SYNJ1: variants seen among roughly 807,000 people sequenced by gnomAD.
The protein encoded by SYNJ1 is synaptojanin 1.
In SYNJ1, 78 loss-of-function variants were observed where a neutral mutation model predicts 168.2. The ratio of observed to expected loss-of-function variants is 0.46; its 90% CI spans 0.39 to 0.56. The LOEUF is 0.56. Among genes scored for constraint, SYNJ1 ranks in the 20% least tolerant of loss-of-function variants. SYNJ1 has a pLI of 0.00. For missense variants in SYNJ1, 1,303 were observed against 1,597.6 expected, an observed-to-expected ratio of 0.82 and a Z score of 3.14; for synonymous variants, 539 against 548.6, an observed-to-expected ratio of 0.98 and a Z score of 0.24.
At chr21:32,674,178 C>T (rs930728228) in intron 13 of SYNJ1, among the ~76,000 whole-genome samples, 1 of 152,206 alleles carries the variant, frequency 6.6e-6, no homozygotes, top group Non-Finnish European at 1.5e-5. Flanking sequence ...TTCCACTCTC[C>T]CTGGTGCACT....
intron 2 of SYNJ1, 32 bp from the exon 3 acceptor site, chr21:32,702,079 G>T (rs1217278439): frequency 2.7e-6 from 4 of 1,457,920 alleles, no homozygotes; most frequent in South Asian, 2.6e-5. Context: ...TAAGAAAAAT[G>T]ACCTGAAACA....
intron 6 of SYNJ1, among the ~76,000 whole-genome samples, chr21:32,691,611 A>G (rs2042028295): frequency 6.6e-6 from 1 of 152,250 alleles, no homozygotes; most frequent in African/African-American, 2.4e-5. Flanking sequence ...AAGGAAAATC[A>G]CAAGTCAAAG....
rs191969474 is a variant in SYNJ1, at chr21:32,650,230, G to T, written c.2991C>A (p.Thr997=). The T allele has an allele frequency of 1.2e-6, 2 of 1,613,442 alleles. No individual in the cohort carries two copies. Among genetic ancestry groups the T allele is most frequent in the East Asian group, 2.2e-5 (1 of 44,792 alleles). The change falls in exon 23 of 33, where the codon ACC becomes ACA. Residue 997 remains threonine, a synonymous_variant. Coordinates refer to ENST00000674351, the MANE Select transcript of SYNJ1 (RefSeq NM_203446.3). ...CAACCTCTGCATCTTCACCAAGCAG[G>T]GTAGAGCTTGTTGATGATGGCAATG... ...SIALPSSTSS[T]LLGEDAEVAA... is the part of the protein sequence containing the mutation.
chr21:32,632,130 C>A (rs778538633), intron 32 of SYNJ1, among the ~76,000 whole-genome samples: 1 of 152,198 alleles, frequency 6.6e-6, no homozygotes, highest in African/African-American at 2.4e-5. Flanking sequence ...AGTTCTATCA[C>A]ATTTCAGCAT....
In SYNJ1 at chr21:32,664,901, G is replaced by A. The variant is rs1282926214; in HGVS notation, c.2304+12C>T. On this transcript the variant is annotated intron_variant, in intron 18 of 32. Transcript: ENST00000674351. ...AATCTTAATGCAAGTATTTTCTCAAGTATAGATATACCTGTCCAGCATTTT... is the reference window on the plus strand; with the variant it reads ...AATCTTAATGCAAGTATTTTCTCAAATATAGATATACCTGTCCAGCATTTT... 1.9e-6 allele frequency: 3 copies of A among 1,571,378 alleles called. No homozygotes were observed. The highest frequency in any genetic ancestry group is 2.7e-5 in the African/African-American group (2 of 73,374).
At chr21:32,670,459 T>C (rs895771875) in intron 14 of SYNJ1, 87 bp from the exon 15 acceptor site, 11 of 967,672 alleles carry the variant, frequency 1.1e-5, no homozygotes, top group Non-Finnish European at 1.7e-5. Context: ...CCAGGTCTCA[T>C]AAAGACTGAT....
At chr21:32,678,509 C>G in intron 12 of SYNJ1, 136 bp downstream of exon 12, 1 of 945,336 alleles carries the variant, frequency 1.1e-6, no homozygotes, top group South Asian at 2.2e-5. Context: ...GGAGAATGTA[C>G]TTTTCAAAAA....
chr21:32,728,109 A>G, upstream of SYNJ1: 1 of 1,478,276 alleles, frequency 6.8e-7, no homozygotes, highest in Non-Finnish European at 9.0e-7. Flanking sequence ...GAGGGAGACC[A>G]CGCCCACTCT....
chr21:32,680,780 T>C (rs906722922), intron 11 of SYNJ1, among the ~76,000 whole-genome samples: 1 of 152,062 alleles, frequency 6.6e-6, no homozygotes, highest in African/African-American at 2.4e-5. Context: ...CATGCCCAGC[T>C]AGTATTTTCT....
At chr21:32,641,758 A>T (rs890024845) in intron 29 of SYNJ1, 138 bp downstream of exon 29, 15 of 575,252 alleles carry the variant, frequency 2.6e-5, no homozygotes, top group Non-Finnish European at 4.6e-5. Flanking sequence ...AAGATCATCA[A>T]GTGCAATTCC....
intron 13 of SYNJ1, among the ~76,000 whole-genome samples, chr21:32,674,356 C>A (rs1230228769): frequency 6.6e-6 from 1 of 152,238 alleles, no homozygotes; most frequent in Non-Finnish European, 1.5e-5. Flanking sequence ...TTAAACTGCA[C>A]TCTGCCCTTA....
intron 24 of SYNJ1, chr21:32,646,012 T>G: frequency 1.2e-6 from 1 of 811,676 alleles, no homozygotes; most frequent in South Asian, 1.4e-5. Flanking sequence ...TACCTAGGCC[T>G]CAGGTGCTGA....
Position 32,639,551 on chromosome 21 carries a change from C to G in SYNJ1, c.3697+120G>C, listed in dbSNP as rs1391276864. ...GGACCACAGGCATGTGCCATCACCC[C>G]TGGCTAATTTTAAGAGTTTTTAATT... On this transcript the variant is annotated intron_variant, in intron 30 of 32. Coordinates refer to ENST00000674351, the MANE Select transcript of SYNJ1 (RefSeq NM_203446.3). The G allele has an allele frequency of 3.9e-6, 3 of 763,808 alleles. No homozygotes were observed. In the Admixed American group the frequency reaches 7.1e-5, roughly 18 times the overall value. The allele number at this position is 763,808 out of a possible 1,614,324, so 47.3% of individuals were successfully genotyped here.
At chr21:32,727,796 C>T (rs1345510415) in intron 1 of SYNJ1, 150 bp downstream of exon 1, 2 of 1,438,900 alleles carry the variant, frequency 1.4e-6, no homozygotes, top group Non-Finnish European at 1.8e-6. Context: ...CACAACCCCG[C>T]CCGTCCTCCC....
intron 2 of SYNJ1, among the ~76,000 whole-genome samples, chr21:32,724,807 T>C (rs1336528283): frequency 6.6e-6 from 1 of 152,228 alleles, no homozygotes. Context: ...GTAAAGCTTA[T>C]AGTAGGAAAG....
intron 13 of SYNJ1, among the ~76,000 whole-genome samples, chr21:32,674,207 C>T (rs2041314399): frequency 6.6e-6 from 1 of 152,192 alleles, no homozygotes; most frequent in African/African-American, 2.4e-5. Flanking sequence ...AGACACTGGC[C>T]TTCCTGCTGT....
chr21:32,668,830 C>T (rs1248003000), intron 15 of SYNJ1, among the ~76,000 whole-genome samples: 2 of 152,208 alleles, frequency 1.3e-5, no homozygotes, highest in African/African-American at 4.8e-5. Flanking sequence ...GGGGTCACAA[C>T]TATTTTCATC....
intron 6 of SYNJ1, among the ~76,000 whole-genome samples, chr21:32,691,379 C>A (rs907655820): frequency 3.3e-5 from 5 of 152,192 alleles, no homozygotes; most frequent in Non-Finnish European, 7.3e-5. Context: ...CCTGAAGCCT[C>A]CCCAGAAGCA....
At position 32,685,844 on chromosome 21, in the gene SYNJ1, C is replaced by T; in HGVS notation, c.1022G>A (p.Gly341Glu). ...ACTATGTAATTTTTCTGCCTTTCCTCCCTTAACCATTTGATGATAGTCAAA... is the reference window on the plus strand; with the variant it reads ...ACTATGTAATTTTTCTGCCTTTCCTTCCTTAACCATTTGATGATAGTCAAA... ...VNFDYHQMVKGGKAEKLHSVL... is the reference protein window; with the variant it reads ...VNFDYHQMVKEGKAEKLHSVL... Residue 341 changes from glycine (G) to glutamate (E), a missense_variant, in exon 9 of 33, where the codon GGA becomes GAA. Physicochemically the swap from Gly to Glu is moderately conservative, Grantham distance 98. Coordinates refer to ENST00000674351, the MANE Select transcript of SYNJ1 (RefSeq NM_203446.3). 6.2e-7 allele frequency: 1 copy of T among 1,613,214 alleles called. No individual in the cohort carries two copies. Among genetic ancestry groups the T allele is most frequent in the Non-Finnish European group, 8.5e-7 (1 of 1,179,642 alleles).
Sources: gnomAD v4.1 joint callset for allele counts (sites outside exome capture counted in the v4.1 genomes callset) on GRCh38, gnomAD v4.1.1 for gene constraint, MANE v1.5 for transcripts, NCBI Gene and HGNC (gene_info 2026-07-23, HGNC 2026-07-21) for gene names.